ARHGAP15: variants seen among roughly 807,000 people sequenced by gnomAD.
ARHGAP15 encodes the protein Rho GTPase activating protein 15, also known as rho GTPase-activating protein 15.
ARHGAP15 carries 51 observed loss-of-function variants against 63.7 expected under a neutral mutation model. The observed-to-expected ratio is 0.80, with a 90% CI of 0.64 to 1.01. ARHGAP15 has a LOEUF of 1.01. Among genes scored for constraint, ARHGAP15 ranks in the 50% least tolerant of loss-of-function variants. The probability of loss-of-function intolerance (pLI) is 0.00; values close to 1 mark genes in which losing one functional copy is unlikely to be tolerated. For synonymous variants in ARHGAP15, 191 were observed against 193.8 expected, an observed-to-expected ratio of 0.99 and a Z score of 0.12; for missense variants, 560 against 564.6, an observed-to-expected ratio of 0.99 and a Z score of 0.08.
rs756012682 is a variant in ARHGAP15 at position 143,750,596 on chromosome 2, TCA to T, written c.1245-17390_1245-17389del. On this transcript the variant is annotated intron_variant, in intron 13 of 13. Coordinates refer to ENST00000295095, the MANE Select transcript of ARHGAP15 (RefSeq NM_018460.4). Reference sequence around the variant, plus strand: ...GAGAAATGGTAGGGCCCATCTAAGATCACAGTCAGTACCTATAGAACTAGCAC... The same window carrying T: ...GAGAAATGGTAGGGCCCATCTAAGATCAGTCAGTACCTATAGAACTAGCAC... 4.1e-4 allele frequency among the ~76,000 whole-genome samples: 62 copies of T among 152,174 alleles called. 1 individual carries two copies. The highest frequency in any genetic ancestry group is 6.6e-4 in the Non-Finnish European group (45 of 68,040).
rs1574238368 is a variant in ARHGAP15 at position 143,302,042 on chromosome 2, A to G, written c.474+51442A>G. 2.6e-5 allele frequency among the ~76,000 whole-genome samples: 4 copies of G among 152,134 alleles called. No homozygotes were observed. In the South Asian group the frequency reaches 8.3e-4, roughly 31 times the overall value. ...CTAAAATAGGACAGTGTTTTGTTTT[A>G]GACTTTGATATTTGCTATAAGCATG... On this transcript the variant is annotated intron_variant, in intron 6 of 13. Coordinates refer to ENST00000295095, the MANE Select transcript of ARHGAP15 (RefSeq NM_018460.4).
chr2:143,455,130 G>C (rs1169870151), intron 8 of ARHGAP15, among the ~76,000 whole-genome samples: 1 of 152,002 alleles, frequency 6.6e-6, no homozygotes, highest in African/African-American at 2.4e-5. Context: ...CTACTCCATA[G>C]AGCCGTTCTG....
At chr2:143,731,906 G>T (rs897815844) in intron 13 of ARHGAP15, among the ~76,000 whole-genome samples, 22 of 152,134 alleles carry the variant, frequency 1.4e-4, no homozygotes, top group African/African-American at 5.3e-4. Flanking sequence ...CAGAGAGAAG[G>T]TGTTATTTTC....
intron 10 of ARHGAP15, among the ~76,000 whole-genome samples, chr2:143,543,235 T>C (rs1695182618): frequency 1.3e-5 from 2 of 152,312 alleles, no homozygotes; most frequent in South Asian, 4.1e-4. Flanking sequence ...ATAATAGCCA[T>C]TCTATCAGAG....
intron 13 of ARHGAP15, among the ~76,000 whole-genome samples, chr2:143,763,710 G>GTA (rs1553538157): frequency 1.4e-5 from 2 of 138,556 alleles, no homozygotes; most frequent in East Asian, 2.2e-4. Context: ...GTATGTATAT[G>GTA]TGTATGTATA....
chr2:143,217,647 CT>C (rs1176830962), intron 4 of ARHGAP15, among the ~76,000 whole-genome samples: 3 of 152,092 alleles, frequency 2.0e-5, no homozygotes, highest in African/African-American at 4.8e-5. Context: ...AGGAGGAAGT[CT>C]TTGAGTAGCC....
chr2:143,156,758 A>T (rs981602689), intron 2 of ARHGAP15, among the ~76,000 whole-genome samples: 2 of 151,902 alleles, frequency 1.3e-5, no homozygotes, highest in East Asian at 3.9e-4. Context: ...TGAGAACTAC[A>T]TCCTTAGATA....
intron 6 of ARHGAP15, among the ~76,000 whole-genome samples, chr2:143,425,717 C>G (rs1355807360): frequency 1.3e-5 from 2 of 151,042 alleles, no homozygotes; most frequent in East Asian, 3.9e-4. Context: ...GAAAAAGAAG[C>G]ATTACTACTC....
intron 10 of ARHGAP15, among the ~76,000 whole-genome samples, chr2:143,541,052 A>G (rs1695023318): frequency 3.3e-5 from 5 of 152,078 alleles, no homozygotes; most frequent in African/African-American, 1.2e-4. Context: ...ATAGACCCAT[A>G]TTTCTTGGAG....
At chr2:143,381,750 C>T (rs1226862697) in intron 6 of ARHGAP15, among the ~76,000 whole-genome samples, 2 of 152,084 alleles carry the variant, frequency 1.3e-5, no homozygotes, top group East Asian at 3.9e-4. Context: ...ATGTAACTCT[C>T]AATGCAGCAC....
rs758861512 is a variant in ARHGAP15 at position 143,435,588 on chromosome 2, T to TC, written c.475-13_475-12insC. On this transcript the variant is annotated splice_polypyrimidine_tract_variant and intron_variant, in intron 6 of 13. Coordinates refer to ENST00000295095, the MANE Select transcript of ARHGAP15 (RefSeq NM_018460.4). ...TACCTGTCTATTTCTTTTTCTTTTT[T>TC]TTTTTTTTGCAGATCACAACAGTAT... The TC allele has an allele frequency of 5.9e-6, 9 of 1,515,644 alleles. No individual in the cohort carries two copies. In the East Asian group the frequency reaches 7.2e-5, roughly 12 times the overall value. 93.9% of individuals were successfully genotyped at this position (1,515,644 alleles called of 1,614,324 possible).
At chr2:143,709,272 A>G in intron 13 of ARHGAP15, among the ~76,000 whole-genome samples, 1 of 152,242 alleles carries the variant, frequency 6.6e-6, no homozygotes, top group East Asian at 1.9e-4. Flanking sequence ...GTAAGGACTC[A>G]AAAGAACTTT....
chr2:143,218,532 A>G (rs1313518128), intron 4 of ARHGAP15, among the ~76,000 whole-genome samples: 1 of 152,032 alleles, frequency 6.6e-6, no homozygotes, highest in Admixed American at 6.6e-5. Context: ...GTGGCATTCA[A>G]AAAAGAATGT....
At chr2:143,594,552 T>C (rs1259296918) in intron 11 of ARHGAP15, among the ~76,000 whole-genome samples, 1 of 152,192 alleles carries the variant, frequency 6.6e-6, no homozygotes, top group Non-Finnish European at 1.5e-5. Flanking sequence ...CGATGTAGCT[T>C]GGAGTTGTGA....
At chr2:143,148,299 A>T (rs1361327110) in intron 1 of ARHGAP15, among the ~76,000 whole-genome samples, 1 of 152,046 alleles carries the variant, frequency 6.6e-6, no homozygotes, top group Non-Finnish European at 1.5e-5. Flanking sequence ...CATGGTAGGC[A>T]AGCCTGCTTG....
At chr2:143,507,964 C>T (rs561169293) in intron 9 of ARHGAP15, among the ~76,000 whole-genome samples, 4 of 151,398 alleles carry the variant, frequency 2.6e-5, no homozygotes, top group African/African-American at 7.3e-5. Context: ...TCCTCTTAAC[C>T]CCCTTAAATC....
chr2:143,592,018 ATC>A (rs905416733), intron 11 of ARHGAP15, among the ~76,000 whole-genome samples: 4 of 152,104 alleles, frequency 2.6e-5, no homozygotes, highest in Admixed American at 2.6e-4. Flanking sequence ...TATAGTCCAT[ATC>A]TCTGTTTCAA....
At chr2:143,380,522 A>G (rs1359429608) in intron 6 of ARHGAP15, among the ~76,000 whole-genome samples, 2 of 152,154 alleles carry the variant, frequency 1.3e-5, no homozygotes, top group African/African-American at 4.8e-5. Flanking sequence ...AGTTTGGATG[A>G]TATAATAAAT....
At chr2:143,143,491 G>A (rs1689454103) in intron 1 of ARHGAP15, among the ~76,000 whole-genome samples, 1 of 151,764 alleles carries the variant, frequency 6.6e-6, no homozygotes, top group South Asian at 2.1e-4. Context: ...GGAAGCCTGA[G>A]GATACATAAT....
Sources: gnomAD v4.1 joint callset for allele counts (sites outside exome capture counted in the v4.1 genomes callset) on GRCh38, gnomAD v4.1.1 for gene constraint, MANE v1.5 for transcripts, NCBI Gene and HGNC (gene_info 2026-07-23, HGNC 2026-07-21) for gene names.